SYNE2: variants seen among roughly 807,000 people sequenced by gnomAD.
The protein encoded by SYNE2 is nesprin-2.
A neutral mutation model predicts 856.3 loss-of-function variants in SYNE2; 431 were observed. That is an observed-to-expected ratio of 0.50 (90% CI 0.47 to 0.55). The LOEUF is 0.55. SYNE2 is among the 20% of genes least tolerant of loss of function. The pLI, the probability that SYNE2 is intolerant of heterozygous loss-of-function variation, is 0.00. For synonymous variants in SYNE2, 2,923 were observed against 2,872.3 expected, an observed-to-expected ratio of 1.02 and a Z score of -0.56; for missense variants, 8,129 against 8,023.2, an observed-to-expected ratio of 1.01 and a Z score of -0.50.
At chr14:63,954,627 T>A (rs1406478954) in intron 7 of SYNE2, 92 bp from the exon 8 acceptor site, 1 of 1,204,696 alleles carries the variant, frequency 8.3e-7, no homozygotes, top group Non-Finnish European at 1.2e-6. Context: ...ATTTACTTGA[T>A]TTGCCAAATT....
chr14:63,908,382 G>T (rs2095433633), intron 1 of SYNE2, among the ~76,000 whole-genome samples: 1 of 152,170 alleles, frequency 6.6e-6, no homozygotes, highest in Non-Finnish European at 1.5e-5. Flanking sequence ...TATGGGAGAA[G>T]TCGGTGTTTT....
At chr14:63,903,230 G>A (rs2095362117) in intron 1 of SYNE2, among the ~76,000 whole-genome samples, 1 of 152,154 alleles carries the variant, frequency 6.6e-6, no homozygotes, top group Admixed American at 6.5e-5. Context: ...ATTGTGCTAT[G>A]ACAGTATTTG....
intron 100 of SYNE2, among the ~76,000 whole-genome samples, chr14:64,206,676 T>C (rs2098606838): frequency 6.6e-6 from 1 of 152,146 alleles, no homozygotes; most frequent in Non-Finnish European, 1.5e-5. Context: ...TTTGATTCAA[T>C]GTAAGCTGAA....
intron 99 of SYNE2, among the ~76,000 whole-genome samples, chr14:64,195,839 G>A (rs1293273749): frequency 6.6e-6 from 1 of 152,198 alleles, no homozygotes; most frequent in East Asian, 1.9e-4. Flanking sequence ...GATCCAGTGG[G>A]ACTGGAAGGA....
chr14:63,767,280 A>AC (rs1886720395), intron 1 of SYNE2, among the ~76,000 whole-genome samples: 1 of 149,328 alleles, frequency 6.7e-6, no homozygotes, highest in African/African-American at 2.5e-5. Flanking sequence ...TAATTTTTGT[A>AC]TTTTTTTTTA....
intron 49 of SYNE2, among the ~76,000 whole-genome samples, chr14:64,059,999 T>A (rs887231065): frequency 1.3e-5 from 2 of 152,152 alleles, no homozygotes; most frequent in African/African-American, 4.8e-5. Context: ...TCAAGGGGTC[T>A]TCAGTCGGCT....
chr14:63,962,401 AT>A (rs2096331922), intron 9 of SYNE2, among the ~76,000 whole-genome samples: 1 of 152,020 alleles, frequency 6.6e-6, no homozygotes, highest in Non-Finnish European at 1.5e-5. Context: ...TTATTGAGAT[AT>A]AGTTTATATA....
At chr14:64,174,533 G>A (rs186766848) in intron 94 of SYNE2, among the ~76,000 whole-genome samples, 127 of 152,150 alleles carry the variant, frequency 8.3e-4, no homozygotes, top group African/African-American at 3.0e-3. Flanking sequence ...ACCCTTTCTC[G>A]CGTTCTTTCC....
intron 1 of SYNE2, among the ~76,000 whole-genome samples, chr14:63,817,673 T>A (rs967613014): frequency 3.3e-5 from 5 of 152,062 alleles, no homozygotes; most frequent in African/African-American, 1.2e-4. Flanking sequence ...TGTATGGTAA[T>A]CTCTCAATAC....
chr14:64,206,191 A>T (rs1194167291), intron 100 of SYNE2, among the ~76,000 whole-genome samples: 1 of 152,120 alleles, frequency 6.6e-6, no homozygotes, highest in Non-Finnish European at 1.5e-5. Context: ...GTTCCTCCCC[A>T]ACCTCAGGGT....
chr14:64,184,358 G>GTGTGTGTGTGTGTGTGTGTGTGTA (rs989630777), intron 96 of SYNE2, among the ~76,000 whole-genome samples: 2 of 150,726 alleles, frequency 1.3e-5, no homozygotes, highest in African/African-American at 4.9e-5. Flanking sequence ...GTGTGTGTGT[G>GTGTGTGTGTGTGTGTGTGTGTGTA]TGTGTATGTG....
intron 1 of SYNE2, among the ~76,000 whole-genome samples, chr14:63,822,801 C>T (rs1461546050): frequency 6.6e-6 from 1 of 152,100 alleles, no homozygotes; most frequent in African/African-American, 2.4e-5. Context: ...CGGTAGACAC[C>T]TATATTTAAA....
chr14:64,113,146 G>A (rs934186249), intron 65 of SYNE2, 195 bp from the exon 66 acceptor site: 4 of 985,198 alleles, frequency 4.1e-6, no homozygotes, highest in East Asian at 2.3e-4. Flanking sequence ...CTCGCAGATC[G>A]GCTGCTTGGA....
intron 11 of SYNE2, among the ~76,000 whole-genome samples, chr14:63,974,814 G>T (rs9652356): frequency 4.7e-5 from 3 of 63,518 alleles, no homozygotes; most frequent in Non-Finnish European, 9.1e-5. Flanking sequence ...GTGTATATAT[G>T]TATATACATA....
At chr14:64,189,116 C>T in intron 98 of SYNE2, 1 of 628,086 alleles carries the variant, frequency 1.6e-6, no homozygotes, top group Non-Finnish European at 2.8e-6. Flanking sequence ...GGTGGATCAC[C>T]TGAGGTCAAG....
At chr14:63,810,379 T>C (rs1307572060) in intron 1 of SYNE2, among the ~76,000 whole-genome samples, 2 of 152,212 alleles carry the variant, frequency 1.3e-5, no homozygotes, top group Non-Finnish European at 2.9e-5. Context: ...GTTTGGTTAT[T>C]GTTTTACTCT....
At chr14:63,853,706 G>A (rs997589393) in intron 1 of SYNE2, among the ~76,000 whole-genome samples, 1 of 151,634 alleles carries the variant, frequency 6.6e-6, no homozygotes, top group Admixed American at 6.6e-5. Flanking sequence ...GGCGCACCGG[G>A]GCTGGAGAGG....
chr14:63,848,819 A>G (rs1029399186), upstream of SYNE2, among the ~76,000 whole-genome samples: 1 of 152,206 alleles, frequency 6.6e-6, no homozygotes, highest in Admixed American at 6.5e-5. Context: ...TTTAGTGCTC[A>G]CTGCCCACCA....
intron 114 of SYNE2, 129 bp from the exon 115 acceptor site, chr14:64,224,870 A>G (rs1174961255): frequency 1.2e-6 from 1 of 841,140 alleles, no homozygotes; most frequent in Admixed American, 2.0e-5. Flanking sequence ...GTATTACTCT[A>G]GTCTCCAAAG....
Sources: gnomAD v4.1 joint callset for allele counts (sites outside exome capture counted in the v4.1 genomes callset) on GRCh38, gnomAD v4.1.1 for gene constraint, MANE v1.5 for transcripts, NCBI Gene and HGNC (gene_info 2026-07-23, HGNC 2026-07-21) for gene names.